CADPS2: variants seen among roughly 807,000 people sequenced by gnomAD.
CADPS2 encodes calcium dependent secretion activator 2, also known as calcium-dependent secretion activator 2.
Under a neutral mutation model 172.5 loss-of-function variants are expected in CADPS2, and 93 were observed. That is an observed-to-expected ratio of 0.54 (90% CI 0.46 to 0.64). The LOEUF (loss-of-function observed/expected upper bound fraction) is 0.64, where lower values mean the gene tolerates loss of function less well. Among genes scored for constraint, CADPS2 ranks in the 30% least tolerant of loss-of-function variants. The pLI, the probability that CADPS2 is intolerant of heterozygous loss-of-function variation, is 0.00. For missense variants in CADPS2, 1,420 were observed against 1,565.9 expected (o/e 0.91, Z 1.57); for synonymous variants, 546 against 555.2 (o/e 0.98, Z 0.23).
At position 122,886,190 on chromosome 7, in the gene CADPS2, CG is replaced by C; in HGVS notation, c.147del (p.Gly50AlafsTer8). On this transcript the variant is annotated frameshift_variant, in exon 1 of 30. Coordinates refer to ENST00000449022, the MANE Select transcript of CADPS2 (RefSeq NM_017954.11). LOFTEE classifies it high-confidence loss of function. ...CTCACAGATCTGGCCGCGCCGCCGC[CG>C]CCCGCGCGCCCCGGCGCGTCCCGCC... Reference protein sequence around the residue: ...EGRRDAPGRAGGGGAARSVSP... With the variant: ...EGRRDAPGRAXGGGAARSVSP... 1 of 1,469,542 alleles carries C rather than the reference CG, an allele frequency of 6.8e-7. No individual in the cohort carries two copies. The highest frequency in any genetic ancestry group is 8.9e-7 in the Non-Finnish European group (1 of 1,119,926). 91.0% of individuals were successfully genotyped at this position (1,469,542 alleles called of 1,614,324 possible). A position where few individuals can be genotyped will look rare whatever the true frequency, so the allele number is the denominator to read the frequency against.
chr7:122,656,091 T>C (rs1167853139), intron 3 of CADPS2, among the ~76,000 whole-genome samples: 1 of 152,194 alleles, frequency 6.6e-6, no homozygotes, highest in Non-Finnish European at 1.5e-5. Flanking sequence ...CCATGAGTGG[T>C]AGGAATATTT....
chr7:122,856,921 TCAATATA>T (rs1225144088), intron 1 of CADPS2, among the ~76,000 whole-genome samples: 1 of 152,204 alleles, frequency 6.6e-6, no homozygotes, highest in African/African-American at 2.4e-5. Context: ...AGAGAATTAT[TCAATATA>T]TGTTACAAGT....
At chr7:122,476,993 G>A (rs1228538150) in intron 12 of CADPS2, among the ~76,000 whole-genome samples, 1 of 106,694 alleles carries the variant, frequency 9.4e-6, no homozygotes, top group Non-Finnish European at 2.0e-5. Flanking sequence ...GGCGGGAGGG[G>A]AGGGGAGAGG....
intron 7 of CADPS2, among the ~76,000 whole-genome samples, chr7:122,572,991 T>C (rs1324692186): frequency 2.0e-5 from 3 of 152,154 alleles, no homozygotes; most frequent in Admixed American, 6.6e-5. Flanking sequence ...CCAAATAATA[T>C]AACCTTCAAC....
chr7:122,477,360 C>G (rs992432427), intron 12 of CADPS2, among the ~76,000 whole-genome samples: 1 of 151,362 alleles, frequency 6.6e-6, no homozygotes, highest in Non-Finnish European at 1.5e-5. Flanking sequence ...CTAAAAAACA[C>G]AAAAAATTAG....
intron 1 of CADPS2, among the ~76,000 whole-genome samples, chr7:122,813,695 A>G (rs1209674026): frequency 6.6e-6 from 1 of 152,158 alleles, no homozygotes. Flanking sequence ...TATTCTAAGG[A>G]AAAGCCTTAT....
In CADPS2 at chr7:122,615,134, TA is replaced by T. The variant is rs552624165; in HGVS notation, c.1223+46del. On this transcript the variant is annotated intron_variant, in intron 6 of 29. Coordinates refer to ENST00000449022, the MANE Select transcript of CADPS2 (RefSeq NM_017954.11). ...ACAGAGCATGTTTCTTTGGGAGGAT[TA>T]AAAAAACAAACAACAACAATAATAC... 158 of 1,175,490 alleles carry T rather than the reference TA, an allele frequency of 1.3e-4. No homozygotes were observed. The Admixed American group carries it at 2.3e-3, about 17-fold the overall frequency. 72.8% of individuals were successfully genotyped at this position (1,175,490 alleles called of 1,614,324 possible).
At chr7:122,718,785 C>T (rs2090003972) in intron 2 of CADPS2, among the ~76,000 whole-genome samples, 2 of 152,030 alleles carry the variant, frequency 1.3e-5, no homozygotes. Flanking sequence ...GTTGTGAGCT[C>T]AAGACTCTAA....
chr7:122,771,052 T>C (rs2093692077), intron 1 of CADPS2, among the ~76,000 whole-genome samples: 1 of 152,154 alleles, frequency 6.6e-6, no homozygotes, highest in Non-Finnish European at 1.5e-5. Context: ...CATGGGCTTT[T>C]TGAAAAATGC....
At chr7:122,585,932 C>T (rs2069603979) in intron 6 of CADPS2, among the ~76,000 whole-genome samples, 1 of 151,876 alleles carries the variant, frequency 6.6e-6, no homozygotes, top group African/African-American at 2.4e-5. Context: ...TTTCTAAGGA[C>T]TTATCCTATC....
chr7:122,656,118 T>A (rs56409307), intron 3 of CADPS2, among the ~76,000 whole-genome samples: 1 of 152,154 alleles, frequency 6.6e-6, no homozygotes, highest in Non-Finnish European at 1.5e-5. Context: ...CTAGTAATTT[T>A]GAAAAATTAC....
intron 15 of CADPS2, among the ~76,000 whole-genome samples, chr7:122,445,323 C>T (rs1320761359): frequency 6.6e-6 from 1 of 151,990 alleles, no homozygotes; most frequent in East Asian, 1.9e-4. Context: ...AGTCTTCTGG[C>T]CCATGAGTAC....
rs373232950 is a variant in CADPS2, at chr7:122,491,292, G to A, written c.1651+20C>T. 11 of 1,492,774 alleles carry A rather than the reference G, an allele frequency of 7.4e-6. No individual in the cohort carries two copies. Among genetic ancestry groups the A allele is most frequent in the Non-Finnish European group, 9.2e-6 (10 of 1,084,442 alleles). 92.5% of individuals were successfully genotyped at this position (1,492,774 alleles called of 1,614,324 possible). A position where few individuals can be genotyped will look rare whatever the true frequency, so the allele number is the denominator to read the frequency against. ...CATGCATACATACATGGCAGGAAAA[G>A]TGATTCAATTAAGATTTACCTGGGT... On this transcript the variant is annotated intron_variant, in intron 10 of 29. Transcript: ENST00000449022.
At chr7:122,665,182 C>G (rs775435502) in intron 2 of CADPS2, among the ~76,000 whole-genome samples, 2 of 152,174 alleles carry the variant, frequency 1.3e-5, no homozygotes, top group Non-Finnish European at 2.9e-5. Context: ...ACTTCCACGC[C>G]TGTCTGCATG....
chr7:122,860,419 G>T (rs1029609902), intron 1 of CADPS2, among the ~76,000 whole-genome samples: 31 of 151,994 alleles, frequency 2.0e-4, no homozygotes, highest in African/African-American at 7.5e-4. Flanking sequence ...TCTTTTTGTA[G>T]AGGCAGGGTC....
chr7:122,641,455 A>G (rs899230483), intron 3 of CADPS2, among the ~76,000 whole-genome samples: 5 of 152,166 alleles, frequency 3.3e-5, no homozygotes, highest in Non-Finnish European at 7.3e-5. Flanking sequence ...TGTGAGCAAA[A>G]TTTTGTAGAG....
intron 6 of CADPS2, among the ~76,000 whole-genome samples, chr7:122,589,613 G>A (rs2070415608): frequency 6.6e-6 from 1 of 151,912 alleles, no homozygotes; most frequent in African/African-American, 2.4e-5. Flanking sequence ...ATGGGAACAT[G>A]GGTGGCTGCT....
chr7:122,697,060 T>G (rs1356235589), intron 2 of CADPS2, among the ~76,000 whole-genome samples: 1 of 152,130 alleles, frequency 6.6e-6, no homozygotes, highest in African/African-American at 2.4e-5. Flanking sequence ...GGAAGTAAAT[T>G]TGCCATGACT....
chr7:122,536,613 A>C (rs1319932611), intron 8 of CADPS2, among the ~76,000 whole-genome samples: 1 of 152,060 alleles, frequency 6.6e-6, no homozygotes, highest in Non-Finnish European at 1.5e-5. Flanking sequence ...TTTACTGATG[A>C]GGGTCAGTAA....
Sources: gnomAD v4.1 joint callset for allele counts (sites outside exome capture counted in the v4.1 genomes callset) on GRCh38, gnomAD v4.1.1 for gene constraint, MANE v1.5 for transcripts, NCBI Gene and HGNC (gene_info 2026-07-23, HGNC 2026-07-21) for gene names.